TM2D1: variants seen among roughly 807,000 people sequenced by gnomAD.
TM2D1 encodes TM2 domain containing 1, also known as TM2 domain-containing protein 1.
A neutral mutation model predicts 28.4 loss-of-function variants in TM2D1; 15 were observed. The observed-to-expected ratio is 0.53, with a 90% CI of 0.35 to 0.81. The LOEUF is 0.81. TM2D1 is among the 40% of genes least tolerant of loss of function. TM2D1 has a pLI of 0.01. For synonymous variants in TM2D1, 93 were observed against 96.2 expected (o/e 0.97, Z 0.20); for missense variants, 236 against 254.9 (o/e 0.93, Z 0.50).
intron 4 of TM2D1, among the ~76,000 whole-genome samples, chr1:61,696,776 C>T (rs955411544): frequency 7.2e-5 from 11 of 152,112 alleles, no homozygotes; most frequent in African/African-American, 2.4e-4. Context: ...CCATAACCCA[C>T]TATGCCTGGC....
chr1:61,711,160 A>AG (rs1441977664), intron 2 of TM2D1, among the ~76,000 whole-genome samples: 3 of 151,312 alleles, frequency 2.0e-5, no homozygotes, highest in East Asian at 2.0e-4. Flanking sequence ...CAACATGGCG[A>AG]AAACCCATCT....
intron 6 of TM2D1, among the ~76,000 whole-genome samples, chr1:61,683,069 C>T (rs887897698): frequency 1.3e-5 from 2 of 152,088 alleles, no homozygotes; most frequent in African/African-American, 4.8e-5. Context: ...AAAGATTATA[C>T]TGACCCTTAG....
At chr1:61,699,886 C>G in intron 4 of TM2D1, 1 of 263,718 alleles carries the variant, frequency 3.8e-6, no homozygotes, top group Non-Finnish European at 7.0e-6. Flanking sequence ...TAGGAACTTA[C>G]AACACTGAGT....
At chr1:61,695,928 T>A (rs1644359993) in intron 4 of TM2D1, 1 of 152,244 alleles carries the variant, frequency 6.6e-6, no homozygotes, top group Non-Finnish European at 1.5e-5. Context: ...GGGCCTTTTA[T>A]CTGTTTTCTT....
chr1:61,700,121 G>C, intron 4 of TM2D1: 2 of 1,467,168 alleles, frequency 1.4e-6, no homozygotes, highest in South Asian at 2.9e-5. Context: ...TTCAAATTGA[G>C]GTCACTAGCT....
At chr1:61,681,947 A>C (rs768363563) in intron 6 of TM2D1, among the ~76,000 whole-genome samples, 1 of 152,090 alleles carries the variant, frequency 6.6e-6, no homozygotes, top group Non-Finnish European at 1.5e-5. Context: ...AGGTAGATGG[A>C]TCTCTAAGCT....
intron 2 of TM2D1, among the ~76,000 whole-genome samples, chr1:61,712,091 C>T (rs1034969739): frequency 6.6e-6 from 1 of 151,970 alleles, no homozygotes; most frequent in Non-Finnish European, 1.5e-5. Flanking sequence ...CCCCAGAGGA[C>T]ATTTGGCAAG....
chr1:61,724,753 T>G (rs749337310), intron 1 of TM2D1: 1 of 504,692 alleles, frequency 2.0e-6, no homozygotes. Context: ...ACTAGTAAAA[T>G]CATAAGGAAA....
chr1:61,702,138 C>T (rs1220752942), intron 3 of TM2D1, among the ~76,000 whole-genome samples: 1 of 151,570 alleles, frequency 6.6e-6, no homozygotes, highest in East Asian at 1.9e-4. Context: ...TGCAGTAAGC[C>T]AAGATTGCAC....
intron 5 of TM2D1, among the ~76,000 whole-genome samples, chr1:61,691,744 C>T (rs1179990111): frequency 4.1e-5 from 6 of 148,048 alleles, no homozygotes; most frequent in Admixed American, 2.0e-4. Context: ...GGAGAAACCC[C>T]GTCTCTACTA....
chr1:61,681,848 G>C (rs1365169132), intron 6 of TM2D1, among the ~76,000 whole-genome samples: 3 of 152,184 alleles, frequency 2.0e-5, no homozygotes, highest in Non-Finnish European at 4.4e-5. Flanking sequence ...ATGTATGGAA[G>C]ACCTAGATTC....
At chr1:61,693,251 A>C (rs541669306) in intron 5 of TM2D1, among the ~76,000 whole-genome samples, 1 of 152,296 alleles carries the variant, frequency 6.6e-6, no homozygotes, top group East Asian at 1.9e-4. Flanking sequence ...AAAACTATTT[A>C]TTGTAAAAAG....
rs1415302516 is a variant in TM2D1 at position 61,724,970 on chromosome 1, G to A, written c.151C>T (p.Leu51Phe). The change falls in exon 1 of 7, where the codon CTC becomes TTC. Residue 51 changes from leucine (L) to phenylalanine (F), a missense_variant. Physicochemically the swap from Leu to Phe is conservative, Grantham distance 22. Transcript: ENST00000606498. ...GGEESLKCEDLKVGQYICKDP... is the reference protein window; with the variant it reads ...GGEESLKCEDFKVGQYICKDP... ...CACAGAGGATATTGTCCCACTTTGAGGTCCTCGCACTTAAGCGACTCCTCG... is the reference window on the plus strand; with the variant it reads ...CACAGAGGATATTGTCCCACTTTGAAGTCCTCGCACTTAAGCGACTCCTCG... The A allele has an allele frequency of 6.2e-7, 1 of 1,601,166 alleles. No individual in the cohort carries two copies. Among genetic ancestry groups the A allele is most frequent in the Non-Finnish European group, 8.5e-7 (1 of 1,170,216 alleles).
intron 3 of TM2D1, among the ~76,000 whole-genome samples, chr1:61,705,174 T>G (rs536199990): frequency 6.6e-6 from 1 of 152,116 alleles, no homozygotes; most frequent in Non-Finnish European, 1.5e-5. Flanking sequence ...AAACTGGTAG[T>G]ATAGCAGAGA....
Position 61,681,289 on chromosome 1 carries a change from A to T in TM2D1, c.*81T>A, listed in dbSNP as rs76794916. ...ACTCATAAAATGGTATATGAATGAA[A>T]AAGAGAAATCTTTAAATCCATACAC... On this transcript the variant is annotated 3_prime_UTR_variant, in exon 7 of 7. Coordinates refer to ENST00000606498, the MANE Select transcript of TM2D1 (RefSeq NM_032027.3). 2,581 of 152,580 alleles carry T rather than the reference A, an allele frequency of 0.017. 25 individuals carry two copies. The highest frequency in any genetic ancestry group is 0.03 in the Admixed American group (462 of 15,296). 9.5% of individuals were successfully genotyped at this position (152,580 alleles called of 1,614,324 possible).
chr1:61,708,879 C>G (rs960250885), intron 3 of TM2D1, among the ~76,000 whole-genome samples: 1 of 151,702 alleles, frequency 6.6e-6, no homozygotes, highest in Admixed American at 6.6e-5. Context: ...AAAATACACA[C>G]TTGGCTGGGT....
intron 3 of TM2D1, among the ~76,000 whole-genome samples, chr1:61,702,799 T>C (rs1644411768): frequency 6.6e-6 from 1 of 151,768 alleles, no homozygotes; most frequent in Non-Finnish European, 1.5e-5. Context: ...ATATTTTAGA[T>C]ATTAGAGAGC....
Position 61,691,932 on chromosome 1 carries a change from A to AAAAAAATATATATATATATAT in TM2D1, c.513+2764_513+2765insATATATATATATATATTTTTT. 3.5e-3 allele frequency among the ~76,000 whole-genome samples: 270 copies of AAAAAAATATATATATATATAT among 76,102 alleles called. 1 individual carries two copies. The highest frequency in any genetic ancestry group is 5.3e-3 in the Non-Finnish European group (206 of 38,574). 49.9% of individuals were successfully genotyped at this position (76,102 alleles called of 152,430 possible). On this transcript the variant is annotated intron_variant, in intron 5 of 6. Coordinates refer to ENST00000606498, the MANE Select transcript of TM2D1 (RefSeq NM_032027.3). ...TCTCAAAAAAAACTTAAAAAAAAAA[A>AAAAAAATATATATATATATAT]ATATATATATATATATATATATATA...
At chr1:61,685,009 C>T (rs1644273310) in intron 5 of TM2D1, among the ~76,000 whole-genome samples, 1 of 152,140 alleles carries the variant, frequency 6.6e-6, no homozygotes, top group Non-Finnish European at 1.5e-5. Context: ...GTCTCAAACT[C>T]CTAGTACTAG....
Sources: allele counts gnomAD v4.1 joint callset (sites outside exome capture counted in the v4.1 genomes callset), GRCh38; gene constraint gnomAD v4.1.1; transcripts MANE v1.5; gene names NCBI Gene and HGNC (gene_info 2026-07-23, HGNC 2026-07-21).